APBA1: variants seen among roughly 807,000 people sequenced by gnomAD.
The protein encoded by APBA1 is amyloid-beta A4 precursor protein-binding family A member 1.
In APBA1, 55 loss-of-function variants were observed where a neutral mutation model predicts 86.6. That is an observed-to-expected ratio of 0.64 (90% confidence interval 0.51 to 0.80). The LOEUF (loss-of-function observed/expected upper bound fraction) is 0.80. Among genes scored for constraint, APBA1 ranks in the 30% least tolerant of loss-of-function variants. The pLI is 0.00. For synonymous variants in APBA1, 511 were observed against 493.9 expected, an observed-to-expected ratio of 1.03 and a Z score of -0.46; for missense variants, 1,090 against 1,183.0, an observed-to-expected ratio of 0.92 and a Z score of 1.15.
chr9:69,620,843 G>T (rs1436142617), intron 1 of APBA1, among the ~76,000 whole-genome samples: 1 of 152,190 alleles, frequency 6.6e-6, no homozygotes, highest in Non-Finnish European at 1.5e-5. Flanking sequence ...ACAGTGTGCA[G>T]GCTCGGGCTG....
intron 1 of APBA1, among the ~76,000 whole-genome samples, chr9:69,569,601 C>A (rs528646466): frequency 2.0e-5 from 3 of 152,074 alleles, no homozygotes; most frequent in East Asian, 3.9e-4. Context: ...CTGAGAAACC[C>A]TCAAAAAAAT....
chr9:69,528,188 A>C (rs1459808761), intron 1 of APBA1, among the ~76,000 whole-genome samples: 2 of 152,114 alleles, frequency 1.3e-5, no homozygotes, highest in African/African-American at 4.8e-5. Flanking sequence ...ATGACTACAG[A>C]ATCAGGTTCA....
chr9:69,476,218 GGA>G (rs1835444228), intron 2 of APBA1, 75 bp from the exon 3 acceptor site: 1 of 1,053,678 alleles, frequency 9.5e-7, no homozygotes, highest in African/African-American at 1.6e-5. Context: ...AAAGGGGCCG[GGA>G]GAGAGAAGCA....
At position 69,669,363 on chromosome 9, in the gene APBA1, A is replaced by C. The variant is rs535318814; in HGVS notation, c.-70+2790T>G. 1.5e-4 allele frequency among the ~76,000 whole-genome samples: 23 copies of C among 151,992 alleles called. No homozygotes were observed. The South Asian group carries it at 2.3e-3, about 15-fold the overall frequency. Reference sequence around the variant, plus strand: ...GAAACAAACAAACACAATAACAACAAAACAAAACAAAACAACAACAACAAA... The same window carrying C: ...GAAACAAACAAACACAATAACAACACAACAAAACAAAACAACAACAACAAA... On this transcript the variant is annotated intron_variant, in intron 1 of 12. Coordinates refer to ENST00000265381, the MANE Select transcript of APBA1 (RefSeq NM_001163.4).
At chr9:69,610,162 T>A (rs902718476) in intron 1 of APBA1, among the ~76,000 whole-genome samples, 2 of 151,752 alleles carry the variant, frequency 1.3e-5, no homozygotes, top group Admixed American at 6.6e-5. Context: ...CACAAAAAAA[T>A]TTTTTTAATT....
chr9:69,486,055 G>T (rs902456397), intron 2 of APBA1, among the ~76,000 whole-genome samples: 1 of 151,886 alleles, frequency 6.6e-6, no homozygotes, highest in African/African-American at 2.4e-5. Flanking sequence ...GGGTTCAAGT[G>T]ATTCTCCTGC....
At chr9:69,541,081 C>T (rs1836601611) in intron 1 of APBA1, among the ~76,000 whole-genome samples, 1 of 152,162 alleles carries the variant, frequency 6.6e-6, no homozygotes, top group African/African-American at 2.4e-5. Flanking sequence ...TTTATTTATA[C>T]AGTCATCTAT....
At chr9:69,602,647 A>AC (rs1221584654) in intron 1 of APBA1, among the ~76,000 whole-genome samples, 1 of 151,942 alleles carries the variant, frequency 6.6e-6, no homozygotes, top group Non-Finnish European at 1.5e-5. Flanking sequence ...TCTATCTTCC[A>AC]CCCCAGCAAA....
intron 1 of APBA1, among the ~76,000 whole-genome samples, chr9:69,586,950 G>A (rs1296415480): frequency 6.6e-6 from 1 of 152,240 alleles, no homozygotes; most frequent in Non-Finnish European, 1.5e-5. Context: ...TAGTTTGGCT[G>A]TATGTGCTTC....
chr9:69,529,876 T>C (rs1836396469), intron 1 of APBA1, among the ~76,000 whole-genome samples: 1 of 152,042 alleles, frequency 6.6e-6, no homozygotes, highest in Non-Finnish European at 1.5e-5. Context: ...AATTAAAAAC[T>C]GTGCAAATGA....
chr9:69,595,110 GTGA>G (rs1274873599), intron 1 of APBA1, among the ~76,000 whole-genome samples: 1 of 152,094 alleles, frequency 6.6e-6, no homozygotes, highest in African/African-American at 2.4e-5. Flanking sequence ...CACTTTCAAG[GTGA>G]TGATACTGGC....
rs571613140 is a variant in APBA1, at chr9:69,459,703, C to T, written c.1483-1515G>A. Among the ~76,000 whole-genome samples, 4 of 152,366 alleles carry T rather than the reference C, an allele frequency of 2.6e-5. No individual in the cohort carries two copies. In the South Asian group the frequency reaches 8.3e-4, roughly 32 times the overall value. The stretch of plus-strand genomic sequence containing the variant: ...AACCAAGTCCTGGCTCTGCCACTTA[C>T]TAGCTGTGCAACTTTGAGGCAAGCC... On this transcript the variant is annotated intron_variant, in intron 5 of 12. Transcript: ENST00000265381.
chr9:69,563,785 C>G (rs970549462), intron 1 of APBA1, among the ~76,000 whole-genome samples: 3 of 152,098 alleles, frequency 2.0e-5, no homozygotes, highest in Non-Finnish European at 4.4e-5. Context: ...TTCCAAGACA[C>G]GTGAGAGAAC....
rs1564104894 is a variant in APBA1, at chr9:69,658,278, TTCTTTCTCTCTCTCTTTCTCTCTCTCTC to T, written c.-70+13847_-70+13874del. On this transcript the variant is annotated intron_variant, in intron 1 of 12. Transcript: ENST00000265381. ...TTTCTTTCTTTCTTTCTTTCTTTCT[TTCTTTCTCTCTCTCTTTCTCTCTCTCTC>T]TTTCTTTCTTTCTTTCTTTCTTTCT... 1.1e-3 allele frequency among the ~76,000 whole-genome samples: 71 copies of T among 65,484 alleles called. 1 individual carries two copies. The highest frequency in any genetic ancestry group is 2.4e-3 in the South Asian group (4 of 1,688). 43.0% of individuals were successfully genotyped at this position (65,484 alleles called of 152,430 possible).
intron 2 of APBA1, among the ~76,000 whole-genome samples, chr9:69,487,714 G>C (rs1200487429): frequency 2.0e-5 from 3 of 152,036 alleles, no homozygotes; most frequent in African/African-American, 7.2e-5. Flanking sequence ...CTTGACAGGT[G>C]ATGTCCTGCA....
At chr9:69,585,263 A>C (rs1228774630) in intron 1 of APBA1, among the ~76,000 whole-genome samples, 3 of 152,266 alleles carry the variant, frequency 2.0e-5, no homozygotes, top group Admixed American at 1.3e-4. Context: ...AAAGCAGAGG[A>C]GAAAGACTTA....
At chr9:69,642,554 GT>G (rs1455917532) in intron 1 of APBA1, among the ~76,000 whole-genome samples, 1 of 152,042 alleles carries the variant, frequency 6.6e-6, no homozygotes, top group African/African-American at 2.4e-5. Context: ...CAATCTAGTG[GT>G]TAATTTTATG....
At chr9:69,533,259 G>C (rs1268077710) in intron 1 of APBA1, among the ~76,000 whole-genome samples, 2 of 152,114 alleles carry the variant, frequency 1.3e-5, no homozygotes, top group African/African-American at 4.8e-5. Context: ...TTTGGAGGCA[G>C]GGAAGGAATG....
chr9:69,493,481 C>G (rs572964473), intron 2 of APBA1, among the ~76,000 whole-genome samples: 4 of 152,154 alleles, frequency 2.6e-5, no homozygotes, highest in African/African-American at 9.6e-5. Flanking sequence ...GAAAGCCCCT[C>G]TTGTAAGAAC....
Sources: gnomAD v4.1 joint callset for allele counts (sites outside exome capture counted in the v4.1 genomes callset) on GRCh38, gnomAD v4.1.1 for gene constraint, MANE v1.5 for transcripts, NCBI Gene and HGNC (gene_info 2026-07-23, HGNC 2026-07-21) for gene names.